The following SPTBN1 variants were observed in gnomAD, a reference collection of about 807,000 sequenced individuals.
The protein encoded by SPTBN1 is spectrin beta chain, non-erythrocytic 1.
In SPTBN1, 32 loss-of-function variants were observed where a neutral mutation model predicts 266.4. The ratio of observed to expected loss-of-function variants is 0.12; its 90% confidence interval spans 0.09 to 0.16. SPTBN1 has a LOEUF of 0.16. SPTBN1 is among the 10% of genes least tolerant of loss of function. The probability of loss-of-function intolerance (pLI) is 1.00; values close to 1 mark genes in which losing one functional copy is unlikely to be tolerated. For missense variants in SPTBN1, 2,296 were observed against 3,067.1 expected (o/e 0.75, Z 5.94); for synonymous variants, 1,336 against 1,162.2 (o/e 1.15, Z -3.04).
At chr2:54,647,045 A>G (rs1430049159) in intron 23 of SPTBN1, 86 bp from the exon 24 acceptor site, 5 of 1,597,466 alleles carry the variant, frequency 3.1e-6, no homozygotes, top group Non-Finnish European at 2.6e-6. Context: ...CCTTCCTCCT[A>G]CCCTGCTGAG....
chr2:54,616,359 C>A, intron 5 of SPTBN1, 61 bp downstream of exon 5: 2 of 1,474,896 alleles, frequency 1.4e-6, no homozygotes, highest in South Asian at 2.4e-5. Context: ...CCACTGCAGT[C>A]ATCACTTAGA....
At chr2:54,651,397 A>G (rs969182251) in intron 26 of SPTBN1, among the ~76,000 whole-genome samples, 2 of 152,140 alleles carry the variant, frequency 1.3e-5, no homozygotes, top group African/African-American at 4.8e-5. Context: ...AGTGAAAAGG[A>G]TGTGTGTCCT....
chr2:54,668,519 A>G lies in SPTBN1; in HGVS notation c.7045A>G (p.Lys2349Glu). 6.2e-7 allele frequency: 1 copy of G among 1,614,180 alleles called. No individual in the cohort carries two copies. Among genetic ancestry groups the G allele is most frequent in the Non-Finnish European group, 8.5e-7 (1 of 1,180,002 alleles). ...ESSPGKREKD[K>E]EKDKEKRFSL... Reference sequence around the variant, plus strand: ...CAGTCCCGGCAAGCGGGAAAAGGACAAAGAGAAAGACAAAGAGAAGCGGTT... The same window carrying G: ...CAGTCCCGGCAAGCGGGAAAAGGACGAAGAGAAAGACAAAGAGAAGCGGTT... The change falls in exon 36 of 36, where the codon AAA becomes GAA. Residue 2349 changes from lysine to glutamate, a missense_variant. Transcript: ENST00000356805.
At chr2:54,501,778 C>T (rs1669284164) in intron 1 of SPTBN1, among the ~76,000 whole-genome samples, 1 of 152,140 alleles carries the variant, frequency 6.6e-6, no homozygotes, top group South Asian at 2.1e-4. Context: ...ACCACCCCTG[C>T]CTGGGGATGG....
chr2:54,652,513 T>C (rs1680364190), intron 26 of SPTBN1: 1 of 152,196 alleles, frequency 6.6e-6, no homozygotes, highest in Non-Finnish European at 1.5e-5. Context: ...TTTTCAGTCT[T>C]TTGCTTTTAC....
chr2:54,487,855 A>T (rs1299444729), intron 1 of SPTBN1, among the ~76,000 whole-genome samples: 2 of 578 alleles, frequency 3.5e-3, no homozygotes, highest in Admixed American at 0.012. Context: ...TTTGAGACGG[A>T]GTCTTGCTCT....
At chr2:54,564,861 C>T (rs1673562369) in intron 2 of SPTBN1, among the ~76,000 whole-genome samples, 2 of 152,106 alleles carry the variant, frequency 1.3e-5, no homozygotes, top group Admixed American at 1.3e-4. Context: ...TTTTTGTTTT[C>T]CCTGTATTTC....
chr2:54,494,356 T>C (rs1186517853), intron 1 of SPTBN1, among the ~76,000 whole-genome samples: 2 of 152,304 alleles, frequency 1.3e-5, no homozygotes, highest in East Asian at 1.9e-4. Flanking sequence ...ACCTGTGATA[T>C]TACCCAGACA....
chr2:54,511,945 C>G (rs540165540), intron 1 of SPTBN1, among the ~76,000 whole-genome samples: 1 of 152,192 alleles, frequency 6.6e-6, no homozygotes, highest in South Asian at 2.1e-4. Context: ...TTGTTTTCCT[C>G]CAATTAGATG....
At chr2:54,586,678 C>CTG (rs1270478201) in intron 2 of SPTBN1, among the ~76,000 whole-genome samples, 1 of 152,222 alleles carries the variant, frequency 6.6e-6, no homozygotes, top group Non-Finnish European at 1.5e-5. Flanking sequence ...CCCCCTCTTT[C>CTG]TGGTCTTTGT....
At chr2:54,644,222 T>C (rs1244827347) in intron 19 of SPTBN1, 101 bp from the exon 20 acceptor site, 1 of 1,436,042 alleles carries the variant, frequency 7.0e-7, no homozygotes, top group Middle Eastern at 1.9e-4. Flanking sequence ...ATTGAGTGAA[T>C]GGTTAAATCA....
chr2:54,559,583 G>A (rs1558839065), intron 2 of SPTBN1, among the ~76,000 whole-genome samples: 1 of 152,152 alleles, frequency 6.6e-6, no homozygotes, highest in Non-Finnish European at 1.5e-5. Context: ...TTTAGGGAGA[G>A]CAGAAGCCTG....
intron 34 of SPTBN1, among the ~76,000 whole-genome samples, chr2:54,666,642 T>A (rs1681387377): frequency 6.6e-6 from 1 of 152,192 alleles, no homozygotes; most frequent in Admixed American, 6.5e-5. Context: ...GATACATGTA[T>A]CTCCCTACAG....
chr2:54,556,020 A>T (rs1002028046), intron 2 of SPTBN1, among the ~76,000 whole-genome samples: 1 of 152,200 alleles, frequency 6.6e-6, no homozygotes, highest in African/African-American at 2.4e-5. Flanking sequence ...TTTGGCTAGC[A>T]ACACTCCTGG....
intron 1 of SPTBN1, among the ~76,000 whole-genome samples, chr2:54,500,223 C>T (rs1669179595): frequency 6.6e-6 from 1 of 152,138 alleles, no homozygotes; most frequent in Admixed American, 6.5e-5. Flanking sequence ...TATTGTAAGA[C>T]TCATGTTTCA....
At chr2:54,486,736 TAA>T (rs370461438) in intron 1 of SPTBN1, among the ~76,000 whole-genome samples, 1 of 132,094 alleles carries the variant, frequency 7.6e-6, no homozygotes, top group Admixed American at 7.6e-5. Flanking sequence ...AATAATAAAT[TAA>T]AAAAAAAAAA....
At chr2:54,622,562 A>G (rs1262268289) in intron 9 of SPTBN1, 75 bp downstream of exon 9, 2 of 1,516,076 alleles carry the variant, frequency 1.3e-6, no homozygotes, top group Non-Finnish European at 1.8e-6. Flanking sequence ...CTATGTTCTG[A>G]TTTCTGTAAT....
chr2:54,606,390 T>C (rs1171028451), intron 3 of SPTBN1, among the ~76,000 whole-genome samples: 1 of 152,192 alleles, frequency 6.6e-6, no homozygotes, highest in Non-Finnish European at 1.5e-5. Context: ...GTTCCCATCA[T>C]GAAGACACTT....
chr2:54,530,544 A>C (rs974467670), intron 2 of SPTBN1, among the ~76,000 whole-genome samples: 2 of 151,824 alleles, frequency 1.3e-5, no homozygotes, highest in African/African-American at 4.8e-5. Context: ...TTTTTCGTAG[A>C]GACGGGGTTT....
Sources: allele counts gnomAD v4.1 joint callset (sites outside exome capture counted in the v4.1 genomes callset), GRCh38; gene constraint gnomAD v4.1.1; transcripts MANE v1.5; gene names NCBI Gene and HGNC (gene_info 2026-07-23, HGNC 2026-07-21).